ELK4: variants seen among roughly 807,000 people sequenced by gnomAD.
The protein encoded by ELK4 is ETS domain-containing protein Elk-4.
A neutral mutation model predicts 29.6 loss-of-function variants in ELK4; 16 were observed. That is an observed-to-expected ratio of 0.54 (90% CI 0.37 to 0.82). The LOEUF (loss-of-function observed/expected upper bound fraction) is 0.82. ELK4 is among the 40% of genes least tolerant of loss of function. The probability of loss-of-function intolerance (pLI) is 0.00; values close to 1 mark genes in which losing one functional copy is unlikely to be tolerated. For missense variants in ELK4, 465 were observed against 507.1 expected (o/e 0.92, Z 0.80); for synonymous variants, 213 against 191.1 (o/e 1.11, Z -0.95).
rs1277653458 is a variant in ELK4 at position 205,615,645 on chromosome 1, T to C, written c.*901A>G. ...TGTTGTTTCAAGTTATCTGATCGAA[T>C]CTTTTACTCAGAGATGTTTCAAATA... On this transcript the variant is annotated 3_prime_UTR_variant, in exon 5 of 5. Coordinates refer to ENST00000357992, the MANE Select transcript of ELK4 (RefSeq NM_001973.4). 4.9e-6 allele frequency: 1 copy of C among 204,404 alleles called. No homozygotes were observed. The highest frequency in any genetic ancestry group is 2.3e-5 in the African/African-American group (1 of 43,760). The allele number at this position is 204,404 out of a possible 1,614,324, so 12.7% of individuals were successfully genotyped here.
chr1:205,627,530 ATAT>A (rs1056200247), intron 1 of ELK4, among the ~76,000 whole-genome samples: 1 of 151,360 alleles, frequency 6.6e-6, no homozygotes, highest in African/African-American at 2.4e-5. Context: ...AGAAAAGAAA[ATAT>A]TATAAACTTA....
rs1360883627 is a variant in ELK4, at chr1:205,610,780, C to G, written c.*5766G>C. 4.3e-6 allele frequency: 1 copy of G among 231,664 alleles called. No homozygotes were observed. Among genetic ancestry groups the G allele is most frequent in the Admixed American group, 5.6e-5 (1 of 17,726 alleles). 14.4% of individuals were successfully genotyped at this position (231,664 alleles called of 1,614,324 possible). On this transcript the variant is annotated 3_prime_UTR_variant, in exon 5 of 5. Coordinates refer to ENST00000357992, the MANE Select transcript of ELK4 (RefSeq NM_001973.4). ...ATGAAAACAGATTTACACGCGCACA[C>G]ACACACACACACACATTCAGTCAAT...
intron 1 of ELK4, among the ~76,000 whole-genome samples, chr1:205,627,866 G>C (rs764976864): frequency 6.6e-6 from 1 of 152,136 alleles, no homozygotes; most frequent in Non-Finnish European, 1.5e-5. Context: ...GTTGTACAGA[G>C]ACAGTCACCT....
intron 1 of ELK4, among the ~76,000 whole-genome samples, chr1:205,628,106 T>A (rs931767228): frequency 6.6e-6 from 1 of 152,242 alleles, no homozygotes; most frequent in African/African-American, 2.4e-5. Flanking sequence ...TATGAAGTGC[T>A]ACCTTAATGC....
intron 1 of ELK4, among the ~76,000 whole-genome samples, chr1:205,630,982 G>A (rs1336114914): frequency 6.6e-6 from 1 of 152,228 alleles, no homozygotes; most frequent in Non-Finnish European, 1.5e-5. Flanking sequence ...AAAAAGTGAA[G>A]TGTGTACTTT....
chr1:205,627,636 AAAAC>A (rs1312981293), intron 1 of ELK4, among the ~76,000 whole-genome samples: 12 of 152,230 alleles, frequency 7.9e-5, no homozygotes, highest in East Asian at 1.9e-4. Flanking sequence ...AAAGATTTTT[AAAAC>A]AAACAACACA....
chr1:205,613,446 A>G lies in ELK4; in HGVS notation c.*3100T>C, dbSNP rs78623953. On this transcript the variant is annotated 3_prime_UTR_variant, in exon 5 of 5. Transcript: ENST00000357992. ...ATAAGAAAAAATTATTTTAGAAATT[A>G]TGTGAAAATCCACTCTTGGGTGGAG... is the stretch of plus-strand genomic sequence containing the variant. 1,427 of 184,614 alleles carry G rather than the reference A, an allele frequency of 7.7e-3. 16 individuals carry two copies. Among genetic ancestry groups the G allele is most frequent in the Non-Finnish European group, 0.012 (1,021 of 87,020 alleles). 11.4% of individuals were successfully genotyped at this position (184,614 alleles called of 1,614,324 possible).
chr1:205,624,048 A>T (rs1381664129), intron 1 of ELK4, among the ~76,000 whole-genome samples, 157 bp from the exon 2 acceptor site: 2 of 152,174 alleles, frequency 1.3e-5, no homozygotes, highest in Non-Finnish European at 2.9e-5. Flanking sequence ...GTAAGAAAAA[A>T]CTGATTCATA....
At chr1:205,631,101 T>C (rs1043933670) in intron 1 of ELK4, among the ~76,000 whole-genome samples, 2 of 152,206 alleles carry the variant, frequency 1.3e-5, no homozygotes, top group Non-Finnish European at 2.9e-5. Flanking sequence ...CCAGCCTCGA[T>C]GCAGCTGTGC....
At position 205,613,482 on chromosome 1, in the gene ELK4, G is replaced by T. The variant is rs1031562813; in HGVS notation, c.*3064C>A. The T allele has an allele frequency of 3.2e-5, 6 of 185,020 alleles. No individual in the cohort carries two copies. Among genetic ancestry groups the T allele is most frequent in the Admixed American group, 2.5e-4 (4 of 16,070 alleles). 11.5% of individuals were successfully genotyped at this position (185,020 alleles called of 1,614,324 possible). ...CACTCTTGGGTGGAGTAAATGCAAT[G>T]GTTTGCCAGCACTGGCTCTGAGCCA... On this transcript the variant is annotated 3_prime_UTR_variant, in exon 5 of 5. Coordinates refer to ENST00000357992, the MANE Select transcript of ELK4 (RefSeq NM_001973.4).
At chr1:205,628,418 T>G (rs111871085) in intron 1 of ELK4, among the ~76,000 whole-genome samples, 3 of 152,332 alleles carry the variant, frequency 2.0e-5, no homozygotes, top group African/African-American at 7.2e-5. Flanking sequence ...CACCTTCATA[T>G]AAGACTGCTT....
Position 205,619,965 on chromosome 1 carries a change from C to A in ELK4, c.1080+1G>T. 6.2e-7 allele frequency: 1 copy of A among 1,614,112 alleles called. No homozygotes were observed. The highest frequency in any genetic ancestry group is 1.3e-5 in the African/African-American group (1 of 75,020). ...GACACCATAAAGAGCGAGCAAGCTA[C>A]CTGTGAAAAAAATGCTGGTGTAAGA... On this transcript the variant is annotated splice_donor_variant, in intron 3 of 4. Coordinates refer to ENST00000357992, the MANE Select transcript of ELK4 (RefSeq NM_001973.4). LOFTEE classifies it high-confidence loss of function.
At position 205,631,687 on chromosome 1, in the gene ELK4, C is replaced by A; in HGVS notation, c.-65G>T. ...TCCGCCTCGAACACGATGCGCCTCT[C>A]CGCCCTCAGCCTCCTCCTCACGCTG... On this transcript the variant is annotated 5_prime_UTR_variant, in exon 1 of 5. Transcript: ENST00000357992. The A allele has an allele frequency of 2.9e-6, 1 of 343,758 alleles. No homozygotes were observed. The highest frequency in any genetic ancestry group is 6.0e-6 in the Non-Finnish European group (1 of 166,832). 21.3% of individuals were successfully genotyped at this position (343,758 alleles called of 1,614,324 possible).
In ELK4 at chr1:205,615,863, C is replaced by T. The variant is rs949977379; in HGVS notation, c.*683G>A. The T allele has an allele frequency of 7.5e-5, 16 of 213,262 alleles. No homozygotes were observed. Among genetic ancestry groups the T allele is most frequent in the Admixed American group, 1.2e-4 (2 of 17,046 alleles). The allele number at this position is 213,262 out of a possible 1,614,324, so 13.2% of individuals were successfully genotyped here. On this transcript the variant is annotated 3_prime_UTR_variant, in exon 5 of 5. Transcript: ENST00000357992. ...TTTCTATAGTGAAATAGACTAGCTCCATGCTCTGTTGACAGGTTCAGACAG... is the reference window on the plus strand; with the variant it reads ...TTTCTATAGTGAAATAGACTAGCTCTATGCTCTGTTGACAGGTTCAGACAG...
rs1670122407 is a variant in ELK4 at position 205,609,483 on chromosome 1, A to C, written c.*7063T>G. 5.2e-6 allele frequency: 1 copy of C among 193,034 alleles called. No individual in the cohort carries two copies. Among genetic ancestry groups the C allele is most frequent in the Admixed American group, 6.1e-5 (1 of 16,366 alleles). The allele number at this position is 193,034 out of a possible 1,614,324, so 12.0% of individuals were successfully genotyped here. ...AATAAATAGGCCTCAAGGAATAAAA[A>C]ATTAATTGTATTCGTTTCTTTTCTA... On this transcript the variant is annotated 3_prime_UTR_variant, in exon 5 of 5. Transcript: ENST00000357992.
chr1:205,617,997 G>A (rs889422158), intron 4 of ELK4, among the ~76,000 whole-genome samples: 11 of 97,936 alleles, frequency 1.1e-4, no homozygotes, highest in African/African-American at 3.5e-4. Context: ...GAGAGAGAGA[G>A]AGCAAGAGAG....
rs1670111475 is a variant in ELK4, at chr1:205,608,853, A to AC, written c.*7692dup. ...AAAGCACTCTTGACATGTTCTTACTACCACATATCCCAAACTAAGACATAC... is the reference window on the plus strand; with the variant it reads ...AAAGCACTCTTGACATGTTCTTACTACCCACATATCCCAAACTAAGACATAC... On this transcript the variant is annotated 3_prime_UTR_variant, in exon 5 of 5. Transcript: ENST00000357992. 1 of 197,170 alleles carries AC rather than the reference A, an allele frequency of 5.1e-6. No homozygotes were observed. Among genetic ancestry groups the AC allele is most frequent in the East Asian group, 7.9e-5 (1 of 12,602 alleles). The allele number at this position is 197,170 out of a possible 1,614,324, so 12.2% of individuals were successfully genotyped here. A position where few individuals can be genotyped will look rare whatever the true frequency, so the allele number is the denominator to read the frequency against.
chr1:205,625,562 G>A (rs917309808), intron 1 of ELK4: 72 of 874,958 alleles, frequency 8.2e-5, no homozygotes, highest in East Asian at 7.7e-4. Context: ...AGAAATACCC[G>A]GACCGGGTGC....
intron 2 of ELK4, 54 bp from the exon 3 acceptor site, chr1:205,620,892 T>C (rs556999854): frequency 1.3e-5 from 19 of 1,509,354 alleles, no homozygotes; most frequent in South Asian, 1.1e-4. Flanking sequence ...TTATATCCCA[T>C]AGTTCATGAA....
Sources: gnomAD v4.1 joint callset for allele counts (sites outside exome capture counted in the v4.1 genomes callset) on GRCh38, gnomAD v4.1.1 for gene constraint, MANE v1.5 for transcripts, NCBI Gene and HGNC (gene_info 2026-07-23, HGNC 2026-07-21) for gene names.